The following EYS variants were observed in gnomAD, a reference collection of about 807,000 sequenced individuals.
EYS encodes EGF-like photoreceptor maintenance factor, also known as protein eyes shut homolog.
A neutral mutation model predicts 282.1 loss-of-function variants in EYS; 250 were observed. The ratio of observed to expected loss-of-function variants is 0.89; its 90% CI spans 0.80 to 0.98. EYS has a LOEUF of 0.98. Among genes scored for constraint, EYS ranks in the 50% least tolerant of loss-of-function variants. The pLI is 0.00. For missense variants in EYS, 4,016 were observed against 3,709.0 expected (o/e 1.08, Z -2.15); for synonymous variants, 1,355 against 1,282.9 (o/e 1.06, Z -1.20).
chr6:64,671,800 T>C (rs1769471450), intron 22 of EYS, among the ~76,000 whole-genome samples: 1 of 152,130 alleles, frequency 6.6e-6, no homozygotes, highest in African/African-American at 2.4e-5. Context: ...ACTAATATAT[T>C]CCTGCTCAGT....
intron 30 of EYS, among the ~76,000 whole-genome samples, chr6:64,243,641 T>A (rs1766910304): frequency 6.6e-6 from 1 of 152,242 alleles, no homozygotes; most frequent in African/African-American, 2.4e-5. Flanking sequence ...GTAGTGTCCT[T>A]GTGCCTAGAA....
chr6:64,776,806 A>G (rs915706381), intron 22 of EYS, among the ~76,000 whole-genome samples: 17 of 152,104 alleles, frequency 1.1e-4, no homozygotes, highest in Non-Finnish European at 2.1e-4. Context: ...AATTTTTCCT[A>G]TGCTTCATTA....
At chr6:64,319,381 C>CA (rs1347816375) in intron 29 of EYS, among the ~76,000 whole-genome samples, 1 of 151,744 alleles carries the variant, frequency 6.6e-6, no homozygotes, top group African/African-American at 2.4e-5. Flanking sequence ...CTAGCAATAC[C>CA]AATTGATTAA....
At chr6:64,240,112 T>C (rs1015306585) in intron 30 of EYS, among the ~76,000 whole-genome samples, 1 of 152,184 alleles carries the variant, frequency 6.6e-6, no homozygotes, top group Admixed American at 6.5e-5. Flanking sequence ...CATTGGTCTA[T>C]ATCTCTGTTT....
intron 30 of EYS, among the ~76,000 whole-genome samples, chr6:64,252,944 T>C (rs571614482): frequency 6.6e-6 from 1 of 152,286 alleles, no homozygotes; most frequent in South Asian, 2.1e-4. Context: ...ATATTCCCTT[T>C]AACAGTGATG....
Position 65,403,513 on chromosome 6 carries a change from T to A in EYS, c.1057-908A>T, listed in dbSNP as rs188276328. On this transcript the variant is annotated intron_variant, in intron 6 of 42. Coordinates refer to ENST00000503581, the MANE Select transcript of EYS (RefSeq NM_001142800.2). ...GTATACTTAAAATTGATGATTTTTT[T>A]ATTCTCATTGAATCCAATCAAAATT... Among the ~76,000 whole-genome samples the A allele has an allele frequency of 3.3e-5, 5 of 152,138 alleles. No individual in the cohort carries two copies. In the East Asian group the frequency reaches 5.8e-4, roughly 18 times the overall value.
chr6:64,811,967 T>C (rs1239389496), intron 22 of EYS, among the ~76,000 whole-genome samples: 1 of 152,166 alleles, frequency 6.6e-6, no homozygotes, highest in Non-Finnish European at 1.5e-5. Context: ...TAATCAATTT[T>C]TTTATTGAAC....
intron 41 of EYS, among the ~76,000 whole-genome samples, chr6:63,760,448 A>C (rs1769603300): frequency 6.6e-6 from 1 of 151,984 alleles, no homozygotes; most frequent in Non-Finnish European, 1.5e-5. Flanking sequence ...TTTAATGAGT[A>C]CTCTGGATTC....
chr6:64,523,208 GAGAATTCAAAATA>G (rs1020320485), intron 26 of EYS, among the ~76,000 whole-genome samples: 2 of 151,688 alleles, frequency 1.3e-5, no homozygotes, highest in African/African-American at 4.8e-5. Context: ...AATGTGCTCA[GAGAATTCAAAATA>G]AGAAAGAATA....
chr6:64,095,474 C>T (rs1249311408), intron 31 of EYS, among the ~76,000 whole-genome samples: 3 of 152,062 alleles, frequency 2.0e-5, no homozygotes, highest in Non-Finnish European at 4.4e-5. Context: ...ATAGTTAGCT[C>T]TTCTTGTTGA....
rs1326338002 is a variant in EYS at position 64,713,421 on chromosome 6, TC to T, written c.3444-87177del. On this transcript the variant is annotated intron_variant, in intron 22 of 42. Coordinates refer to ENST00000503581, the MANE Select transcript of EYS (RefSeq NM_001142800.2). Reference sequence around the variant, plus strand: ...ACACTCAATTGTGTCCTCAGCTTGATCTTTAAATGTCATTTTTAAAACAGAT... The same window carrying T: ...ACACTCAATTGTGTCCTCAGCTTGATTTTAAATGTCATTTTTAAAACAGAT... 6 of 152,238 alleles carry T rather than the reference TC, an allele frequency of 3.9e-5. No individual in the cohort carries two copies. The East Asian group carries it at 7.8e-4, about 20-fold the overall frequency. The allele number at this position is 152,238 out of a possible 1,614,324, so 9.4% of individuals were successfully genotyped here. A position where few individuals can be genotyped will look rare whatever the true frequency, so the allele number is the denominator to read the frequency against.
chr6:65,609,361 A>G (rs1241549521), intron 2 of EYS, among the ~76,000 whole-genome samples: 1 of 151,842 alleles, frequency 6.6e-6, no homozygotes, highest in African/African-American at 2.4e-5. Context: ...TCTAATACTA[A>G]CATTGTAAGA....
intron 33 of EYS, among the ~76,000 whole-genome samples, chr6:64,055,270 T>A (rs1396211067): frequency 6.6e-6 from 1 of 151,986 alleles, no homozygotes; most frequent in Non-Finnish European, 1.5e-5. Flanking sequence ...TTTTTTTTTC[T>A]AGTCCTACAG....
At chr6:65,570,412 C>T (rs1764438115) in intron 2 of EYS, among the ~76,000 whole-genome samples, 1 of 152,184 alleles carries the variant, frequency 6.6e-6, no homozygotes, top group Non-Finnish European at 1.5e-5. Context: ...ATCAGCAAGT[C>T]ATTTTGAAGT....
chr6:64,989,796 TCATA>T (rs1381537624), intron 14 of EYS, among the ~76,000 whole-genome samples: 1 of 67,320 alleles, frequency 1.5e-5, no homozygotes, highest in Non-Finnish European at 2.8e-5. Flanking sequence ...GAATATATAT[TCATA>T]CACACACACA....
Position 64,590,604 on chromosome 6 carries a change from C to A in EYS, c.5263G>T (p.Asp1755Tyr), listed in dbSNP as rs772953910. 1.3e-6 allele frequency: 2 copies of A among 1,551,260 alleles called. No homozygotes were observed. The highest frequency in any genetic ancestry group is 1.7e-6 in the Non-Finnish European group (2 of 1,146,740). ...TCTGAATATGTCTTTAAAGTAACAT[C>A]CGGATAAATTTGTAAGTTTAACTCA... ...DFELNLQIYP[D>Y]VTLKTYSEIT... The change falls in exon 26 of 43, where the codon GAT becomes TAT. Residue 1755 changes from aspartate to tyrosine, a missense_variant. Coordinates refer to ENST00000503581, the MANE Select transcript of EYS (RefSeq NM_001142800.2).
intron 31 of EYS, among the ~76,000 whole-genome samples, chr6:64,171,545 T>C (rs1310311145): frequency 6.6e-6 from 1 of 152,164 alleles, no homozygotes; most frequent in Non-Finnish European, 1.5e-5. Flanking sequence ...TAAAGTACCA[T>C]TGAGAAATAC....
intron 16 of EYS, among the ~76,000 whole-genome samples, chr6:64,907,533 G>A (rs1562253231): frequency 6.6e-6 from 1 of 152,166 alleles, no homozygotes; most frequent in Non-Finnish European, 1.5e-5. Context: ...TAACCCAGCT[G>A]AGAGGGATAC....
At chr6:64,428,583 T>A (rs1774482821) in intron 28 of EYS, among the ~76,000 whole-genome samples, 1 of 152,152 alleles carries the variant, frequency 6.6e-6, no homozygotes, top group Non-Finnish European at 1.5e-5. Flanking sequence ...TTGAAGCCTA[T>A]ACTATGATAT....
Sources: gnomAD v4.1 joint callset for allele counts (sites outside exome capture counted in the v4.1 genomes callset) on GRCh38, gnomAD v4.1.1 for gene constraint, MANE v1.5 for transcripts, NCBI Gene and HGNC (gene_info 2026-07-23, HGNC 2026-07-21) for gene names.